ACTN4: variants seen among roughly 807,000 people sequenced by gnomAD.
ACTN4 encodes actinin alpha 4, also known as alpha-actinin-4.
ACTN4 carries 18 observed loss-of-function variants against 114.2 expected under a neutral mutation model. The ratio of observed to expected loss-of-function variants is 0.16; its 90% CI spans 0.11 to 0.23. ACTN4 has a LOEUF of 0.23. Ranked by LOEUF, ACTN4 falls within the 10% of genes least tolerant of loss-of-function variation. The probability of loss-of-function intolerance (pLI) is 1.00; values close to 1 mark genes in which losing one functional copy is unlikely to be tolerated. For synonymous variants in ACTN4, 515 were observed against 506.3 expected, an observed-to-expected ratio of 1.02 and a Z score of -0.23; for missense variants, 722 against 1,262.9, an observed-to-expected ratio of 0.57 and a Z score of 6.49.
chr19:38,654,957 C>G (rs1976671120), intron 1 of ACTN4, among the ~76,000 whole-genome samples: 1 of 152,194 alleles, frequency 6.6e-6, no homozygotes, highest in Middle Eastern at 3.4e-3. Flanking sequence ...CTGTTTGCCA[C>G]CTGTTGTTGT....
chr19:38,718,915 C>T (rs1455415012), intron 11 of ACTN4, among the ~76,000 whole-genome samples: 2 of 152,236 alleles, frequency 1.3e-5, no homozygotes, highest in African/African-American at 2.4e-5. Flanking sequence ...GCTGCCGGAC[C>T]ACAGCCAGTG....
Position 38,731,099 on chromosome 19 carries a change from G to A in ACTN4, c.*1667G>A, listed in dbSNP as rs766957695. On this transcript the variant is annotated 3_prime_UTR_variant, in exon 21 of 21. Transcript: ENST00000252699. Reference sequence around the variant, plus strand: ...CCCCATGCCCCACCATGCCGGGGTGGTACTCACAGAAGATGCAGGTGAGGT... The same window carrying A: ...CCCCATGCCCCACCATGCCGGGGTGATACTCACAGAAGATGCAGGTGAGGT... The A allele has an allele frequency of 6.2e-7, 1 of 1,608,172 alleles. No individual in the cohort carries two copies. The highest frequency in any genetic ancestry group is 1.7e-5 in the Admixed American group (1 of 59,414).
At position 38,721,547 on chromosome 19, in the gene ACTN4, C is replaced by G. The variant is rs1969041804; in HGVS notation, c.1301C>G (p.Ala434Gly). ...TCTCTGCTCCTACCAGGGAAGGAAG[C>G]CATGCTGAAGCACCGGGACTACGAG... ...IHEAWTDGKE[A>G]MLKHRDYETA... is the part of the protein sequence containing the mutation. Residue 434 changes from alanine to glycine, a missense_variant, in exon 12 of 21, where the codon GCC (alanine) becomes GGC (glycine). Physicochemically the swap from Ala to Gly is moderately conservative, Grantham distance 60 (BLOSUM62 0). Transcript: ENST00000252699. The G allele has an allele frequency of 1.2e-6, 2 of 1,613,926 alleles. No individual in the cohort carries two copies. The highest frequency in any genetic ancestry group is 2.7e-5 in the African/African-American group (2 of 75,050).
Position 38,729,460 on chromosome 19 carries a change from C to T in ACTN4, c.*28C>T, listed in dbSNP as rs772612410. On this transcript the variant is annotated 3_prime_UTR_variant, in exon 21 of 21. Coordinates refer to ENST00000252699, the MANE Select transcript of ACTN4 (RefSeq NM_004924.6). ...CCCCAGAGACCTGACCCAACACCCC[C>T]GACGGCCTCCAGGAGGGGCCTGGGC... is the stretch of plus-strand genomic sequence containing the variant. 1.4e-5 allele frequency: 23 copies of T among 1,610,364 alleles called. No individual in the cohort carries two copies. The highest frequency in any genetic ancestry group is 6.7e-5 in the East Asian group (3 of 44,718).
chr19:38,725,958 T>C, intron 17 of ACTN4, 55 bp downstream of exon 17: 1 of 1,602,656 alleles, frequency 6.2e-7, no homozygotes, highest in African/African-American at 1.3e-5. Flanking sequence ...GCTTCCTCAC[T>C]GGAAATGGTT....
intron 1 of ACTN4, among the ~76,000 whole-genome samples, chr19:38,655,887 A>G (rs1976698025): frequency 1.3e-5 from 2 of 152,232 alleles, no homozygotes; most frequent in Admixed American, 1.3e-4. Context: ...ACCTAATGCT[A>G]AATGCTACGT....
intron 1 of ACTN4, among the ~76,000 whole-genome samples, chr19:38,680,560 G>A (rs903250342): frequency 6.6e-6 from 1 of 152,030 alleles, no homozygotes; most frequent in Non-Finnish European, 1.5e-5. Context: ...TTAGACTGAC[G>A]TTGCCTGATG....
intron 1 of ACTN4, among the ~76,000 whole-genome samples, chr19:38,648,473 G>T (rs1701381800): frequency 1.3e-5 from 2 of 151,960 alleles, no homozygotes; most frequent in South Asian, 4.1e-4. Flanking sequence ...AGTGGAGATT[G>T]TGGGGTCTGA....
At position 38,673,649 on chromosome 19, in the gene ACTN4, ATAT is replaced by A. The variant is rs1568690360; in HGVS notation, c.162+25743_162+25745del. 3.9e-5 allele frequency among the ~76,000 whole-genome samples: 2 copies of A among 51,534 alleles called. 1 individual carries two copies. Among genetic ancestry groups the A allele is most frequent in the Non-Finnish European group, 8.3e-5 (2 of 24,218 alleles). 33.8% of individuals were successfully genotyped at this position (51,534 alleles called of 152,430 possible). ...TATTCATATATATTTATATATATTT[ATAT>A]ATTTATATATATTATATATATTTAT... On this transcript the variant is annotated intron_variant, in intron 1 of 20. Coordinates refer to ENST00000252699, the MANE Select transcript of ACTN4 (RefSeq NM_004924.6).
chr19:38,679,568 C>CGTGTGTGTGT (rs10583743), intron 1 of ACTN4, among the ~76,000 whole-genome samples: 33,411 of 145,330 alleles, frequency 0.23, 4,411 homozygotes, highest in Non-Finnish European at 0.3. Flanking sequence ...TTTGGGTGTG[C>CGTGTGTGTGT]GTGTGTGTGT....
intron 1 of ACTN4, among the ~76,000 whole-genome samples, chr19:38,687,685 A>C (rs1967791574): frequency 6.6e-6 from 1 of 152,258 alleles, no homozygotes; most frequent in South Asian, 2.1e-4. Context: ...AAACTCTTAG[A>C]AGAAAACACA....
At position 38,730,545 on chromosome 19, in the gene ACTN4, ATC is replaced by A. The variant is rs1969504022; in HGVS notation, c.*1115_*1116del. The A allele has an allele frequency of 2.1e-6, 1 of 465,408 alleles. No homozygotes were observed. The highest frequency in any genetic ancestry group is 3.7e-5 in the Admixed American group (1 of 27,178). The allele number at this position is 465,408 out of a possible 1,614,324, so 28.8% of individuals were successfully genotyped here. A position where few individuals can be genotyped will look rare whatever the true frequency, so the allele number is the denominator to read the frequency against. Reference sequence around the variant, plus strand: ...TTTTAAGAAGGATTCCTGCAGCATCATCTTTTTTTATTTCTCCTGTGTCTGTC... The same window carrying A: ...TTTTAAGAAGGATTCCTGCAGCATCATTTTTTTATTTCTCCTGTGTCTGTC... On this transcript the variant is annotated 3_prime_UTR_variant, in exon 21 of 21. Transcript: ENST00000252699.
intron 12 of ACTN4, 116 bp downstream of exon 12, chr19:38,721,804 T>C: frequency 7.0e-7 from 1 of 1,437,636 alleles, no homozygotes; most frequent in East Asian, 2.4e-5. Flanking sequence ...GGGTCCCCAG[T>C]GCCCCAACTG....
intron 3 of ACTN4, among the ~76,000 whole-genome samples, chr19:38,703,333 G>A (rs1968346825): frequency 6.6e-6 from 1 of 151,488 alleles, no homozygotes; most frequent in African/African-American, 2.4e-5. Context: ...CTGCCTCCCG[G>A]GCTCAAGCAA....
chr19:38,715,008 T>G (rs1219121991), intron 9 of ACTN4, among the ~76,000 whole-genome samples: 2 of 152,136 alleles, frequency 1.3e-5, no homozygotes, highest in Non-Finnish European at 1.5e-5. Context: ...CGGATTATCC[T>G]CCTTTCCAAG....
chr19:38,705,061 A>C (rs771501637), intron 4 of ACTN4, 41 bp downstream of exon 4: 1 of 1,568,758 alleles, frequency 6.4e-7, no homozygotes, highest in Non-Finnish European at 8.8e-7. Flanking sequence ...CACCTGAGTC[A>C]GGGCGGGTTA....
At chr19:38,689,437 G>C (rs912952890) in intron 1 of ACTN4, among the ~76,000 whole-genome samples, 1 of 152,114 alleles carries the variant, frequency 6.6e-6, no homozygotes, top group Non-Finnish European at 1.5e-5. Context: ...AGGGAAGTGG[G>C]GTTGGAGAGT....
chr19:38,658,620 C>G (rs1208506301), intron 1 of ACTN4, among the ~76,000 whole-genome samples: 1 of 152,192 alleles, frequency 6.6e-6, no homozygotes, highest in Non-Finnish European at 1.5e-5. Flanking sequence ...GATTTGAAGA[C>G]TTCTGTGATC....
chr19:38,727,824 C>T lies in ACTN4; in HGVS notation c.2338-122C>T. On this transcript the variant is annotated intron_variant, in intron 18 of 20. Transcript: ENST00000252699. The surrounding 1 kb of genome is among the most constrained non-coding windows in gnomAD (Gnocchi z 5.4). ...GGCCATCTCCTTGTCCATGTTGCCTCTAACTCTGTGTTTCCCTCCCCTACG... is the reference window on the plus strand; with the variant it reads ...GGCCATCTCCTTGTCCATGTTGCCTTTAACTCTGTGTTTCCCTCCCCTACG... The T allele has an allele frequency of 1.1e-6, 1 of 926,680 alleles. No homozygotes were observed. The highest frequency in any genetic ancestry group is 2.6e-5 in the East Asian group (1 of 37,770). The allele number at this position is 926,680 out of a possible 1,614,324, so 57.4% of individuals were successfully genotyped here.
Sources: allele counts gnomAD v4.1 joint callset (sites outside exome capture counted in the v4.1 genomes callset), GRCh38; gene constraint gnomAD v4.1.1; non-coding constraint Gnocchi (gnomAD v3.1); transcripts MANE v1.5; gene names NCBI Gene and HGNC (gene_info 2026-07-23, HGNC 2026-07-21).